The following KIF26B variants were observed in gnomAD, a reference collection of about 807,000 sequenced individuals.
KIF26B encodes kinesin-like protein KIF26B.
A neutral mutation model predicts 151.2 loss-of-function variants in KIF26B; 63 were observed. That is an observed-to-expected ratio of 0.42 (90% confidence interval 0.34 to 0.51). KIF26B has a LOEUF of 0.51. Ranked by LOEUF, KIF26B falls within the 20% of genes least tolerant of loss-of-function variation. KIF26B has a pLI of 0.07. For synonymous variants in KIF26B, 1,357 were observed against 1,262.1 expected, an observed-to-expected ratio of 1.08 and a Z score of -1.59; for missense variants, 2,813 against 2,913.6, an observed-to-expected ratio of 0.97 and a Z score of 0.79.
At chr1:245,193,711 G>T (rs1490985073) in intron 2 of KIF26B, among the ~76,000 whole-genome samples, 1 of 152,230 alleles carries the variant, frequency 6.6e-6, no homozygotes, top group East Asian at 1.9e-4. Context: ...GAAGCACAGA[G>T]AAGTCAAGTA....
chr1:245,369,763 C>T lies in KIF26B; in HGVS notation c.999+2396C>T, dbSNP rs142192581. 6.1e-3 allele frequency among the ~76,000 whole-genome samples: 931 copies of T among 152,334 alleles called. 10 individuals are homozygous for T. Among genetic ancestry groups the T allele is most frequent in the Middle Eastern group, 0.024 (7 of 294 alleles). On this transcript the variant is annotated intron_variant, in intron 3 of 14. Transcript: ENST00000407071. ...CTACCCCAAAGTAAGCTGCCGACAT[C>T]TTTTCCAGATATGGTTCCTTTTCAG...
Position 245,686,514 on chromosome 1 carries a change from G to A in KIF26B, c.3531G>A (p.Gln1177=). ...TGAGCACCACGATGGTGACGGTGCA[G>A]CAGCCACTGGAGCTGAACGGTGAGG... ...EILSTTMVTV[Q]QPLELNGEDE... is the part of the protein sequence containing the mutation. The change falls in exon 12 of 15, where the codon CAG becomes CAA. Residue 1177 remains glutamine, a synonymous_variant. Coordinates refer to ENST00000407071, the MANE Select transcript of KIF26B (RefSeq NM_018012.4). The surrounding 1 kb of genome is among the most constrained non-coding windows in gnomAD (Gnocchi z 5.6). 1 of 1,611,674 alleles carries A rather than the reference G, an allele frequency of 6.2e-7. No individual in the cohort carries two copies. Among genetic ancestry groups the A allele is most frequent in the Non-Finnish European group, 8.5e-7 (1 of 1,179,614 alleles).
chr1:245,682,454 G>GGTGCAACGTCTCTGC (rs2044453248), intron 10 of KIF26B, among the ~76,000 whole-genome samples: 5 of 141,422 alleles, frequency 3.5e-5, no homozygotes, highest in African/African-American at 1.1e-4. Flanking sequence ...CACTACTCAT[G>GGTGCAACGTCTCTGC]TAAGACCTGA....
intron 4 of KIF26B, among the ~76,000 whole-genome samples, chr1:245,424,179 T>C (rs1658567548): frequency 6.6e-6 from 1 of 151,320 alleles, no homozygotes; most frequent in Non-Finnish European, 1.5e-5. Context: ...TGAGATGGAG[T>C]CCCACTCACT....
At chr1:245,494,167 A>C (rs12737997) in intron 4 of KIF26B, among the ~76,000 whole-genome samples, 1 of 152,092 alleles carries the variant, frequency 6.6e-6, no homozygotes, top group Non-Finnish European at 1.5e-5. Flanking sequence ...TTAGCTGGGC[A>C]TGGTGGTGGG....
At chr1:245,193,616 T>G (rs1358283011) in intron 2 of KIF26B, among the ~76,000 whole-genome samples, 1 of 152,256 alleles carries the variant, frequency 6.6e-6, no homozygotes, top group Non-Finnish European at 1.5e-5. Context: ...CTAAACACTT[T>G]ATATGTGTTA....
At chr1:245,155,663 G>T (rs73123102) in intron 1 of KIF26B, among the ~76,000 whole-genome samples, 176 bp downstream of exon 1, 135 of 152,318 alleles carry the variant, frequency 8.9e-4, no homozygotes, top group African/African-American at 2.9e-3. Flanking sequence ...ACGCCCGCAC[G>T]CTCGCCTCGC....
At chr1:245,189,149 C>T (rs750390815) in intron 2 of KIF26B, among the ~76,000 whole-genome samples, 2 of 152,174 alleles carry the variant, frequency 1.3e-5, no homozygotes, top group Admixed American at 6.5e-5. Flanking sequence ...GCAATGTGAA[C>T]GTACTGAATG....
Position 245,687,836 on chromosome 1 carries a change from C to CCAGCGG in KIF26B, c.4862_4867dup (p.Ser1621_Gly1622dup). On this transcript the variant is annotated inframe_insertion, in exon 12 of 15. Coordinates refer to ENST00000407071, the MANE Select transcript of KIF26B (RefSeq NM_018012.4). The surrounding 1 kb of genome is among the most constrained non-coding windows in gnomAD (Gnocchi z 4.9). ...AACCGGGCCAGCCCTCAGCACAGTG[C>CCAGCGG]CAGCGGCAGCGGCACCAGCAGCCCC... 6.3e-7 allele frequency: 1 copy of CCAGCGG among 1,594,772 alleles called. No homozygotes were observed. The highest frequency in any genetic ancestry group is 8.5e-7 in the Non-Finnish European group (1 of 1,171,522).
At chr1:245,477,646 T>TGAGGGAAAAGCATTCCCAGCA (rs1660069515) in intron 4 of KIF26B, among the ~76,000 whole-genome samples, 2 of 151,672 alleles carry the variant, frequency 1.3e-5, no homozygotes, top group Non-Finnish European at 3.0e-5. Context: ...TGGATATCTC[T>TGAGGGAAAAGCATTCCCAGCA]GAGGGAAAAG....
chr1:245,686,194 G>A lies in KIF26B; in HGVS notation c.3211G>A (p.Ala1071Thr), dbSNP rs1231043756. Residue 1071 changes from alanine (A) to threonine (T), a missense_variant, in exon 12 of 15, where the codon GCC becomes ACC. Transcript: ENST00000407071. The surrounding 1 kb of genome is among the most constrained non-coding windows in gnomAD (Gnocchi z 5.6). ...CATGGGCTCCCCCCGGCTGGGCATCGCCAGCCTGTCCAAGACCTCGGAGTA... is the reference window on the plus strand; with the variant it reads ...CATGGGCTCCCCCCGGCTGGGCATCACCAGCCTGTCCAAGACCTCGGAGTA... The part of the protein sequence containing the change: ...RPMGSPRLGI[A>T]SLSKTSEYKP... 13 of 1,612,398 alleles carry A rather than the reference G, an allele frequency of 8.1e-6. No individual in the cohort carries two copies. Among genetic ancestry groups the A allele is most frequent in the Admixed American group, 3.3e-5 (2 of 60,010 alleles).
intron 11 of KIF26B, among the ~76,000 whole-genome samples, chr1:245,684,993 C>A (rs2044490733): frequency 6.6e-6 from 1 of 152,256 alleles, no homozygotes; most frequent in Admixed American, 6.5e-5. Flanking sequence ...TGATCGTGGC[C>A]ACTCAGTGGC....
intron 2 of KIF26B, among the ~76,000 whole-genome samples, chr1:245,262,644 G>A (rs1429122372): frequency 6.6e-6 from 1 of 151,962 alleles, no homozygotes; most frequent in Non-Finnish European, 1.5e-5. Flanking sequence ...CAGGAGGGAC[G>A]TGGTTTCTCC....
intron 8 of KIF26B, among the ~76,000 whole-genome samples, chr1:245,610,293 A>G (rs189402357): frequency 1.7e-3 from 264 of 152,078 alleles, no homozygotes; most frequent in African/African-American, 6.0e-3. Context: ...CATTACTCAA[A>G]CCTGACCATG....
intron 2 of KIF26B, among the ~76,000 whole-genome samples, chr1:245,295,244 T>G (rs1160528428): frequency 1.3e-5 from 2 of 152,242 alleles, no homozygotes; most frequent in Non-Finnish European, 2.9e-5. Flanking sequence ...GTTTAAAATT[T>G]TAGCTGAATT....
At chr1:245,293,067 T>C (rs942143484) in intron 2 of KIF26B, among the ~76,000 whole-genome samples, 13 of 152,180 alleles carry the variant, frequency 8.5e-5, no homozygotes, top group African/African-American at 3.1e-4. Flanking sequence ...TATAATAAAA[T>C]CTGAGAAATG....
At chr1:245,251,375 C>T (rs1434540635) in intron 2 of KIF26B, among the ~76,000 whole-genome samples, 3 of 152,128 alleles carry the variant, frequency 2.0e-5, no homozygotes, top group Admixed American at 6.5e-5. Context: ...TTTCTCTGCA[C>T]GGTTATGTTC....
intron 2 of KIF26B, among the ~76,000 whole-genome samples, chr1:245,188,652 C>T (rs1046082739): frequency 3.3e-5 from 5 of 152,238 alleles, no homozygotes; most frequent in East Asian, 1.9e-4. Flanking sequence ...GAAAATGATA[C>T]GACAGTTTTT....
chr1:245,445,787 T>C (rs1249231590), intron 4 of KIF26B, among the ~76,000 whole-genome samples: 1 of 152,162 alleles, frequency 6.6e-6, no homozygotes, highest in East Asian at 1.9e-4. Context: ...AGCTTGTGGC[T>C]ACCTTTACAC....
Sources: allele counts gnomAD v4.1 joint callset (sites outside exome capture counted in the v4.1 genomes callset), GRCh38; gene constraint gnomAD v4.1.1; non-coding constraint Gnocchi (gnomAD v3.1); transcripts MANE v1.5; gene names NCBI Gene and HGNC (gene_info 2026-07-23, HGNC 2026-07-21).